The following CENPP variants were observed in gnomAD, a reference collection of about 807,000 sequenced individuals.
CENPP encodes centromere protein P.
In CENPP, 24 loss-of-function variants were observed where a neutral mutation model predicts 35.6. The observed-to-expected ratio is 0.67, with a 90% CI of 0.49 to 0.95. The LOEUF is 0.95. Ranked by LOEUF, CENPP falls within the 40% of genes least tolerant of loss-of-function variation. The pLI, the probability that CENPP is intolerant of heterozygous loss-of-function variation, is 0.00. For synonymous variants in CENPP, 120 were observed against 125.5 expected (o/e 0.96, Z 0.29); for missense variants, 332 against 345.3 (o/e 0.96, Z 0.31).
At chr9:92,439,206 T>A (rs1247641424) in intron 5 of CENPP, among the ~76,000 whole-genome samples, 1 of 152,168 alleles carries the variant, frequency 6.6e-6, no homozygotes, top group Non-Finnish European at 1.5e-5. Flanking sequence ...GGCTAAATTT[T>A]AAAAATATAA....
intron 5 of CENPP, among the ~76,000 whole-genome samples, chr9:92,428,608 G>A (rs944964557): frequency 2.6e-5 from 4 of 152,130 alleles, no homozygotes; most frequent in East Asian, 1.9e-4. Context: ...AGGTGTTCTG[G>A]GTAGGGTCTT....
chr9:92,452,585 C>G (rs1183140461), intron 5 of CENPP, among the ~76,000 whole-genome samples: 1 of 152,128 alleles, frequency 6.6e-6, no homozygotes, highest in African/African-American at 2.4e-5. Context: ...CTCTGCCAGG[C>G]TTTGGTATCA....
chr9:92,350,154 T>G (rs142414033), intron 4 of CENPP, among the ~76,000 whole-genome samples: 2 of 152,254 alleles, frequency 1.3e-5, no homozygotes, highest in Non-Finnish European at 2.9e-5. Flanking sequence ...AATTTCTCTT[T>G]GTGTTCGCTT....
At chr9:92,441,635 T>G (rs1291378079) in intron 5 of CENPP, among the ~76,000 whole-genome samples, 1 of 152,148 alleles carries the variant, frequency 6.6e-6, no homozygotes, top group East Asian at 1.9e-4. Flanking sequence ...AGCGCGTACC[T>G]GTAGTCCCAG....
At chr9:92,448,273 C>CTTT (rs980637699) in intron 5 of CENPP, among the ~76,000 whole-genome samples, 1 of 142,796 alleles carries the variant, frequency 7.0e-6, no homozygotes, top group Non-Finnish European at 1.5e-5. Context: ...TCTCTTTTTT[C>CTTT]TTTTTTTTTT....
At chr9:92,345,581 C>G in intron 3 of CENPP, 118 bp from the exon 4 acceptor site, 7 of 542,822 alleles carry the variant, frequency 1.3e-5, no homozygotes, top group South Asian at 2.4e-5. Context: ...TGTTTTGTTT[C>G]TGTCATGATT....
Position 92,566,940 on chromosome 9 carries a change from AAGAG to A in CENPP, c.565-44370_565-44367del, listed in dbSNP as rs1286958841. On this transcript the variant is annotated intron_variant, in intron 5 of 7. Coordinates refer to ENST00000375587, the MANE Select transcript of CENPP (RefSeq NM_001012267.3). ...CAAAACAGAGAAACTTGAAAGCAGC[AAGAG>A]AGAAAGCAGCACACATAAATTTCTC... Among the ~76,000 whole-genome samples, 6 of 152,250 alleles carry A rather than the reference AAGAG, an allele frequency of 3.9e-5. 1 individual carries two copies. Among genetic ancestry groups the A allele is most frequent in the Middle Eastern group, 6.3e-3 (2 of 316 alleles).
At chr9:92,485,413 A>C (rs1846031266) in intron 5 of CENPP, among the ~76,000 whole-genome samples, 1 of 152,260 alleles carries the variant, frequency 6.6e-6, no homozygotes, top group South Asian at 2.1e-4. Context: ...GATAAATTAC[A>C]AAATTGAAAA....
At position 92,586,779 on chromosome 9, in the gene CENPP, C is replaced by G. The variant is rs867328381; in HGVS notation, c.565-24535C>G. 2.0e-5 allele frequency among the ~76,000 whole-genome samples: 3 copies of G among 152,210 alleles called. No individual in the cohort carries two copies. In the South Asian group the frequency reaches 6.2e-4, roughly 32 times the overall value. ...CAATGAGATATTGTAACAAAGACTT[C>G]ACTGACCACACACAAGCAGGAATAC... On this transcript the variant is annotated intron_variant, in intron 5 of 7. Transcript: ENST00000375587.
intron 5 of CENPP, among the ~76,000 whole-genome samples, chr9:92,531,465 T>C (rs2131280878): frequency 6.6e-6 from 1 of 152,334 alleles, no homozygotes; most frequent in East Asian, 1.9e-4. Flanking sequence ...AAAAGATTAT[T>C]TTTATTTTGT....
At chr9:92,494,298 C>T in intron 5 of CENPP, 1 of 624,760 alleles carries the variant, frequency 1.6e-6, no homozygotes, top group Admixed American at 3.0e-5. Context: ...TGCCTTAAAC[C>T]ATTTATGTCA....
chr9:92,512,545 A>G (rs1847417701), intron 5 of CENPP, among the ~76,000 whole-genome samples: 1 of 152,200 alleles, frequency 6.6e-6, no homozygotes, highest in African/African-American at 2.4e-5. Context: ...TTGTCCATGA[A>G]TGCTCATGCC....
At chr9:92,523,119 C>T (rs1027558813) in intron 5 of CENPP, among the ~76,000 whole-genome samples, 5 of 151,490 alleles carry the variant, frequency 3.3e-5, no homozygotes, top group Admixed American at 6.6e-5. Flanking sequence ...CTTGCTCCAT[C>T]GCCCAGGCTG....
chr9:92,513,475 T>C (rs1027439682), intron 5 of CENPP, among the ~76,000 whole-genome samples: 5 of 152,146 alleles, frequency 3.3e-5, no homozygotes, highest in African/African-American at 1.2e-4. Context: ...AACACTTAGG[T>C]CCACACAAAC....
intron 3 of CENPP, among the ~76,000 whole-genome samples, chr9:92,339,105 G>T (rs1401415001): frequency 6.6e-6 from 1 of 152,214 alleles, no homozygotes; most frequent in Non-Finnish European, 1.5e-5. Flanking sequence ...GCAAAGAGGA[G>T]GAACAGAACA....
chr9:92,457,133 G>T, intron 5 of CENPP: 1 of 1,406,044 alleles, frequency 7.1e-7, no homozygotes. Context: ...AAATTCCGTT[G>T]AAATTTCTTG....
intron 5 of CENPP, among the ~76,000 whole-genome samples, chr9:92,562,853 A>AT (rs1396356679): frequency 6.6e-6 from 1 of 152,194 alleles, no homozygotes; most frequent in Non-Finnish European, 1.5e-5. Context: ...CCCATCACTT[A>AT]TGGGGGGGAT....
intron 5 of CENPP, chr9:92,385,275 G>T (rs1215864646): frequency 1.2e-5 from 2 of 169,964 alleles, no homozygotes; most frequent in East Asian, 1.7e-4. Flanking sequence ...AGAGTTGAAA[G>T]TTTCTTGGAT....
intron 5 of CENPP, among the ~76,000 whole-genome samples, chr9:92,599,095 C>T (rs1172702810): frequency 6.6e-6 from 1 of 151,382 alleles, no homozygotes; most frequent in African/African-American, 2.4e-5. Context: ...GAATTCCACA[C>T]CCAGAGTAAG....
Sources: gnomAD v4.1 joint callset for allele counts (sites outside exome capture counted in the v4.1 genomes callset) on GRCh38, gnomAD v4.1.1 for gene constraint, MANE v1.5 for transcripts, NCBI Gene and HGNC (gene_info 2026-07-23, HGNC 2026-07-21) for gene names.